TERT: variants seen among roughly 807,000 people sequenced by gnomAD.
TERT encodes telomerase catalytic subunit.
In TERT, 42 loss-of-function variants were observed where a neutral mutation model predicts 104.0. The observed-to-expected ratio is 0.40, with a 90% CI of 0.32 to 0.52. The LOEUF is 0.52. Ranked by LOEUF, TERT falls within the 20% of genes least tolerant of loss-of-function variation. TERT has a pLI of 0.43. For synonymous variants in TERT, 781 were observed against 725.6 expected (o/e 1.08, Z -1.23); for missense variants, 1,101 against 1,610.3 (o/e 0.68, Z 5.41).
Position 1,294,824 on chromosome 5 carries a change from C to G in TERT, c.166G>C (p.Val56Leu). 2.0e-6 allele frequency: 3 copies of G among 1,499,732 alleles called. No individual in the cohort carries two copies. The highest frequency in any genetic ancestry group is 2.6e-6 in the Non-Finnish European group (3 of 1,132,604). 92.9% of individuals were successfully genotyped at this position (1,499,732 alleles called of 1,614,324 possible). A position where few individuals can be genotyped will look rare whatever the true frequency, so the allele number is the denominator to read the frequency against. The change falls in exon 1 of 16, where the codon GTG (valine) becomes CTG (leucine). Residue 56 changes from valine to leucine, a missense_variant. Around this residue, in one of 5 missense-constraint regions of TERT, gnomAD observed 87 missense variants for 145.4 expected, o/e 0.60. Coordinates refer to ENST00000310581, the MANE Select transcript of TERT (RefSeq NM_198253.3). ...AFRALVAQCL[V>L]CVPWDARPPP... ...GGCCGTGCGTCCCAGGGCACGCACA[C>G]CAGGCACTGGGCCACCAGCGCGCGG...
rs1238733587 is a variant in TERT at position 1,293,637 on chromosome 5, C to G, written c.1249G>C (p.Ala417Pro). 1.3e-6 allele frequency: 2 copies of G among 1,555,782 alleles called. No individual in the cohort carries two copies. Among genetic ancestry groups the G allele is most frequent in the Non-Finnish European group, 1.7e-6 (2 of 1,149,900 alleles). ...ACACCGGCTGCTGGGGTGACCGCAGCTCGCAGCGGGCAGTGCGTCTTGAGG... is the reference window on the plus strand; with the variant it reads ...ACACCGGCTGCTGGGGTGACCGCAGGTCGCAGCGGGCAGTGCGTCTTGAGG... ...VLLKTHCPLR[A>P]AVTPAAGVCA... The change falls in exon 2 of 16, where the codon GCT becomes CCT. Residue 417 changes from alanine (A) to proline (P), a missense_variant. Physicochemically the swap from Ala to Pro is conservative, Grantham distance 27. Around this residue, in one of 5 missense-constraint regions of TERT, gnomAD observed 504 missense variants for 544.6 expected, o/e 0.93. Transcript: ENST00000310581.
chr5:1,266,021 C>T lies in TERT; in HGVS notation c.2654+443G>A, dbSNP rs949499710. 5.3e-5 allele frequency among the ~76,000 whole-genome samples: 8 copies of T among 152,220 alleles called. No individual in the cohort carries two copies. The East Asian group carries it at 9.7e-4, about 18-fold the overall frequency. On this transcript the variant is annotated intron_variant, in intron 10 of 15. Transcript: ENST00000310581. ...AAACAACCCCACGCAGGAACGTGAC[C>T]GCAGCGAACGCTGTGGGCCAGCTCA...
Position 1,256,575 on chromosome 5 carries a change from T to C in TERT, c.3033-1164A>G, listed in dbSNP as rs139249303. Among the ~76,000 whole-genome samples the C allele has an allele frequency of 2.4e-3, 361 of 150,736 alleles. 4 individuals are homozygous for C. The highest frequency in any genetic ancestry group is 0.021 in the Admixed American group (323 of 15,110). On this transcript the variant is annotated intron_variant, in intron 13 of 15. Coordinates refer to ENST00000310581, the MANE Select transcript of TERT (RefSeq NM_198253.3). This position sits in a 1 kb window ranked among gnomAD's most constrained non-coding sequence, Gnocchi z 7.0. Reference sequence around the variant, plus strand: ...TCACCCACTGCCTGAGCCCCCCATGTACCTGGTCTCACTGACTTCCTGAGC... The same window carrying C: ...TCACCCACTGCCTGAGCCCCCCATGCACCTGGTCTCACTGACTTCCTGAGC...
Position 1,286,516 on chromosome 5 carries a change from A to C in TERT, c.1574-3892T>G, listed in dbSNP as rs1409208840. Among the ~76,000 whole-genome samples the C allele has an allele frequency of 6.6e-6, 1 of 152,228 alleles. No individual in the cohort carries two copies. Among genetic ancestry groups the C allele is most frequent in the African/African-American group, 2.4e-5 (1 of 41,458 alleles). ...ACAGCACACAGGCTGGGGGGTGGCC[A>C]GAGCTAAAATACACTAAGGGTCTTA... On this transcript the variant is annotated intron_variant, in intron 2 of 15. Coordinates refer to ENST00000310581, the MANE Select transcript of TERT (RefSeq NM_198253.3). This position sits in a 1 kb window ranked among gnomAD's most constrained non-coding sequence, Gnocchi z 5.3.
intron 2 of TERT, among the ~76,000 whole-genome samples, chr5:1,289,854 C>G (rs1317021176): frequency 1.1e-5 from 1 of 92,754 alleles, no homozygotes; most frequent in Non-Finnish European, 2.1e-5. Context: ...CCTCACTCAC[C>G]CTGCAAGTGA....
rs891716677 is a variant in TERT, at chr5:1,270,449, G to A, written c.2468+670C>T. Among the ~76,000 whole-genome samples the A allele has an allele frequency of 4.6e-5, 7 of 152,138 alleles. No homozygotes were observed. In the East Asian group the frequency reaches 9.7e-4, roughly 21 times the overall value. The stretch of plus-strand genomic sequence containing the variant: ...ACAGGGTCGCAGGCAGATGCCTGCC[G>A]GGAGGTGTGTGGTTTTACTTAAAAT... On this transcript the variant is annotated intron_variant, in intron 8 of 15. Coordinates refer to ENST00000310581, the MANE Select transcript of TERT (RefSeq NM_198253.3). This position sits in a 1 kb window ranked among gnomAD's most constrained non-coding sequence, Gnocchi z 8.3.
In TERT at chr5:1,293,943, G is replaced by T. The variant is rs1554042911; in HGVS notation, c.943C>A (p.Arg315Ser). The change falls in exon 2 of 16, where the codon CGT (arginine) becomes AGT (serine). Residue 315 changes from arginine to serine, a missense_variant. Coordinates refer to ENST00000310581, the MANE Select transcript of TERT (RefSeq NM_198253.3). The part of the protein sequence containing the change: ...AGPPSTSRPP[R>S]PWDTPCPPVY... Reference sequence around the variant, plus strand: ...GGGGGACAAGGCGTGTCCCAGGGACGTGGTGGCCGCGATGTGGATGGGGGG... The same window carrying T: ...GGGGGACAAGGCGTGTCCCAGGGACTTGGTGGCCGCGATGTGGATGGGGGG... The T allele has an allele frequency of 6.5e-7, 1 of 1,546,518 alleles. No individual in the cohort carries two copies. The highest frequency in any genetic ancestry group is 8.7e-7 in the Non-Finnish European group (1 of 1,148,852).
At chr5:1,267,071 A>G (rs1226240298) in intron 9 of TERT, among the ~76,000 whole-genome samples, 8 of 152,204 alleles carry the variant, frequency 5.3e-5, no homozygotes, top group Non-Finnish European at 1.0e-4. Context: ...CAGCTCGAGG[A>G]CACTTTCCTC....
At chr5:1,266,899 C>CT (rs1748646042) in intron 9 of TERT, among the ~76,000 whole-genome samples, 1 of 152,206 alleles carries the variant, frequency 6.6e-6, no homozygotes, top group African/African-American at 2.4e-5. Flanking sequence ...ACGTGGTGCC[C>CT]TTTACCAGCA....
rs36070059 is a variant in TERT at position 1,266,310 on chromosome 5, C to T, written c.2654+154G>A. 190 of 774,276 alleles carry T rather than the reference C, an allele frequency of 2.5e-4. 1 individual carries two copies. In the East Asian group the frequency reaches 3.8e-3, roughly 15 times the overall value. The allele number at this position is 774,276 out of a possible 1,614,324, so 48.0% of individuals were successfully genotyped here. A position where few individuals can be genotyped will look rare whatever the true frequency, so the allele number is the denominator to read the frequency against. On this transcript the variant is annotated intron_variant, in intron 10 of 15. Coordinates refer to ENST00000310581, the MANE Select transcript of TERT (RefSeq NM_198253.3). ...CCCTGCGCCCCCAGGCCTGGGTGCA[C>T]GGCCAAGCGCCTCTGCTCTTGCGGA...
chr5:1,294,209 C>T lies in TERT; in HGVS notation c.677G>A (p.Gly226Asp), dbSNP rs1325261470. Residue 226 changes from glycine to aspartate, a missense_variant, in exon 2 of 16, where the codon GGC (glycine) becomes GAC (aspartate). Coordinates refer to ENST00000310581, the MANE Select transcript of TERT (RefSeq NM_198253.3). Reference protein sequence around the residue: ...LPAPGARRRGGSASRSLPLPK... With the variant: ...LPAPGARRRGDSASRSLPLPK... ...CAACGGCAGACTTCGGCTGGCACTGCCCCCGCGCCTCCTCGCACCCGGGGC... is the reference window on the plus strand; with the variant it reads ...CAACGGCAGACTTCGGCTGGCACTGTCCCCGCGCCTCCTCGCACCCGGGGC... 2 of 1,581,194 alleles carry T rather than the reference C, an allele frequency of 1.3e-6. No homozygotes were observed. Among genetic ancestry groups the T allele is most frequent in the East Asian group, 2.3e-5 (1 of 43,298 alleles).
At chr5:1,271,087 G>A (rs375284261) in intron 8 of TERT, 32 bp downstream of exon 8, 11 of 1,586,108 alleles carry the variant, frequency 6.9e-6, no homozygotes, top group Middle Eastern at 1.7e-4. Flanking sequence ...CCAGCCACCC[G>A]CAGGGCAATG....
At position 1,294,680 on chromosome 5, in the gene TERT, G is replaced by A. The variant is rs951918468; in HGVS notation, c.220-14C>T. 1.3e-6 allele frequency: 2 copies of A among 1,589,986 alleles called. No homozygotes were observed. The highest frequency in any genetic ancestry group is 1.3e-5 in the African/African-American group (1 of 74,674). ...CAGGCAGGACACCTGCGGGGGAAGCGCCCTGAGTCGCCTGCGCTGCTCTCC... is the reference window on the plus strand; with the variant it reads ...CAGGCAGGACACCTGCGGGGGAAGCACCCTGAGTCGCCTGCGCTGCTCTCC... On this transcript the variant is annotated splice_polypyrimidine_tract_variant and intron_variant, in intron 1 of 15. Transcript: ENST00000310581.
intron 6 of TERT, among the ~76,000 whole-genome samples, chr5:1,276,218 C>T (rs1749573874): frequency 6.9e-6 from 1 of 145,026 alleles, no homozygotes; most frequent in Admixed American, 7.0e-5. Context: ...AGAAACCAAT[C>T]CCACAGATCC....
In TERT at chr5:1,265,413, C is replaced by T. The variant is rs1023748852; in HGVS notation, c.2655-821G>A. ...ACAGAGTTCTGCCCCCGGTGGGACCCCAACATACACTCTGAGCCACCTCCC... is the reference window on the plus strand; with the variant it reads ...ACAGAGTTCTGCCCCCGGTGGGACCTCAACATACACTCTGAGCCACCTCCC... On this transcript the variant is annotated intron_variant, in intron 10 of 15. Coordinates refer to ENST00000310581, the MANE Select transcript of TERT (RefSeq NM_198253.3). The surrounding 1 kb of genome is among the most constrained non-coding windows in gnomAD (Gnocchi z 6.9). Among the ~76,000 whole-genome samples, 6 of 152,176 alleles carry T rather than the reference C, an allele frequency of 3.9e-5. No homozygotes were observed. The highest frequency in any genetic ancestry group is 5.9e-5 in the Non-Finnish European group (4 of 68,026).
rs62332583 is a variant in TERT, at chr5:1,285,922, C to T, written c.1574-3298G>A. On this transcript the variant is annotated intron_variant, in intron 2 of 15. Transcript: ENST00000310581. ...ACGTCATGCTCCTGTTGGGCGACAA[C>T]GGCTCGGAGCCTCATCCTTTGTCCT... Among the ~76,000 whole-genome samples, 1,398 of 152,062 alleles carry T rather than the reference C, an allele frequency of 9.2e-3. 11 individuals are homozygous for T. The highest frequency in any genetic ancestry group is 0.015 in the Non-Finnish European group (1,006 of 67,998).
Position 1,294,610 on chromosome 5 carries a change from G to A in TERT, c.276C>T (p.Gly92=). 1.3e-6 allele frequency: 2 copies of A among 1,595,452 alleles called. No homozygotes were observed. Among genetic ancestry groups the A allele is most frequent in the Non-Finnish European group, 1.7e-6 (2 of 1,178,654 alleles). The change falls in exon 2 of 16, where the codon GGC becomes GGT. Residue 92 remains glycine, a synonymous_variant. Coordinates refer to ENST00000310581, the MANE Select transcript of TERT (RefSeq NM_198253.3). ...AGCCGAAGGCCAGCACGTTCTTCGC[G>A]CCGCGCTCGCACAGCCTCTGCAGCA... ...ARVLQRLCER[G]AKNVLAFGFA...
At chr5:1,285,565 A>ATTTTTTTTTTTTTTTTTTTTTTTTT (rs1170336173) in intron 2 of TERT, among the ~76,000 whole-genome samples, 1 of 82,184 alleles carries the variant, frequency 1.2e-5, no homozygotes, top group Non-Finnish European at 2.2e-5. Flanking sequence ...GGCTACTAGA[A>ATTTTTTTTTTTTTTTTTTTTTTTTT]TTTTTTTTTT....
intron 6 of TERT, among the ~76,000 whole-genome samples, chr5:1,275,520 A>ACACGACCC (rs891065266): frequency 1.3e-5 from 2 of 152,062 alleles, no homozygotes; most frequent in Admixed American, 6.6e-5. Flanking sequence ...GCCACACACC[A>ACACGACCC]CAGCAGGCAC....
Sources: gnomAD v4.1 joint callset for allele counts (sites outside exome capture counted in the v4.1 genomes callset) on GRCh38, gnomAD v4.1.1 for gene constraint, gnomAD v4.1.1 regional missense constraint, Gnocchi (gnomAD v3.1) non-coding constraint, MANE v1.5 for transcripts, NCBI Gene and HGNC (gene_info 2026-07-23, HGNC 2026-07-21) for gene names.